PTBP3: variants seen among roughly 807,000 people sequenced by gnomAD.
The protein encoded by PTBP3 is polypyrimidine tract-binding protein 3.
Under a neutral mutation model 58.7 loss-of-function variants are expected in PTBP3, and 20 were observed. The observed-to-expected ratio is 0.34, with a 90% confidence interval of 0.24 to 0.50. The LOEUF is 0.50. Among genes scored for constraint, PTBP3 ranks in the 20% least tolerant of loss-of-function variants. The pLI is 0.98. For missense variants in PTBP3, 509 were observed against 637.2 expected, an observed-to-expected ratio of 0.80 and a Z score of 2.17; for synonymous variants, 185 against 219.8, an observed-to-expected ratio of 0.84 and a Z score of 1.40.
Position 112,226,104 on chromosome 9 carries a change from T to C in PTBP3, c.1364+1307A>G, listed in dbSNP as rs7858610. 7.6e-3 allele frequency among the ~76,000 whole-genome samples: 1,158 copies of C among 152,008 alleles called. 21 individuals carry two copies. Among genetic ancestry groups the C allele is most frequent in the African/African-American group, 0.027 (1,103 of 41,470 alleles). ...TAATGATGACAGGTGCCTGCCTCAG[T>C]ATCTAATTGTTGTCCATTTACCCTA... is the stretch of plus-strand genomic sequence containing the variant. On this transcript the variant is annotated intron_variant, in intron 12 of 13. Transcript: ENST00000374257.
intron 2 of PTBP3, among the ~76,000 whole-genome samples, chr9:112,293,623 C>T (rs1312801210): frequency 6.6e-6 from 1 of 152,208 alleles, no homozygotes; most frequent in Admixed American, 6.5e-5. Context: ...TTCTAGCTAA[C>T]AGAATGAGAA....
At chr9:112,258,148 G>T (rs1836451004) in intron 5 of PTBP3, among the ~76,000 whole-genome samples, 1 of 152,134 alleles carries the variant, frequency 6.6e-6, no homozygotes, top group Non-Finnish European at 1.5e-5. Context: ...AATTCAAAAA[G>T]ATTGGTCCTT....
chr9:112,290,739 A>ACACACACACACACACAG (rs1398984829), intron 2 of PTBP3, among the ~76,000 whole-genome samples: 1 of 93,672 alleles, frequency 1.1e-5, no homozygotes, highest in Non-Finnish European at 2.2e-5. Context: ...CACACACACA[A>ACACACACACACACACAG]TCAAGTGTTG....
At chr9:112,323,227 T>C (rs538141076) in intron 1 of PTBP3, among the ~76,000 whole-genome samples, 1 of 152,288 alleles carries the variant, frequency 6.6e-6, no homozygotes, top group African/African-American at 2.4e-5. Flanking sequence ...CACTCTAGCC[T>C]GGGAAACAGA....
rs1410565659 is a variant in PTBP3, at chr9:112,227,507, A to C, written c.1268T>G (p.Phe423Cys). 6.2e-7 allele frequency: 1 copy of C among 1,613,912 alleles called. No individual in the cohort carries two copies. The highest frequency in any genetic ancestry group is 8.5e-7 in the Non-Finnish European group (1 of 1,179,936). The change falls in exon 12 of 14, where the codon TTC becomes TGC. Residue 423 changes from phenylalanine (F) to cysteine (C), a missense_variant. Phe to Cys is a radical substitution (Grantham distance 205). This residue lies in a region of PTBP3 where 135 missense variants were observed against 229.0 expected (regional missense o/e 0.59). Transcript: ENST00000374257. ...AAAGCGATGCAAAGGACTATTGCTG[A>C]AATCCTTAGTCAGACCTTGGTCTTC... is the stretch of plus-strand genomic sequence containing the variant. ...GQEDQGLTKDFSNSPLHRFKK... is the reference protein window; with the variant it reads ...GQEDQGLTKDCSNSPLHRFKK...
the PTBP3 span, among the ~76,000 whole-genome samples, chr9:112,371,265 CTG>C: frequency 1.3e-5 from 2 of 152,200 alleles, no homozygotes; most frequent in Non-Finnish European, 2.9e-5. Flanking sequence ...TCCCCAACCT[CTG>C]TGGTTAATGC....
intron 3 of PTBP3, among the ~76,000 whole-genome samples, chr9:112,268,965 G>A (rs558896774): frequency 1.3e-5 from 2 of 152,130 alleles, no homozygotes; most frequent in African/African-American, 4.8e-5. Context: ...GGAGGCTGAG[G>A]CAGGTGGATC....
chr9:112,369,161 G>A, the PTBP3 span, among the ~76,000 whole-genome samples: 4 of 152,248 alleles, frequency 2.6e-5, no homozygotes, highest in African/African-American at 7.2e-5. Context: ...AGGGCAGTGT[G>A]GAAGGGAAAT....
At chr9:112,298,603 C>T (rs1167928739) in intron 1 of PTBP3, 1 of 502,912 alleles carries the variant, frequency 2.0e-6, no homozygotes, top group Non-Finnish European at 3.9e-6. Context: ...TAAAACCAAC[C>T]TATTTTAAAT....
At chr9:112,252,969 G>C (rs1019421450) in intron 5 of PTBP3, among the ~76,000 whole-genome samples, 181 bp from the exon 6 acceptor site, 1 of 152,002 alleles carries the variant, frequency 6.6e-6, no homozygotes, top group Non-Finnish European at 1.5e-5. Flanking sequence ...TTACAACAAC[G>C]CCCGGTACAC....
chr9:112,369,671 T>G, the PTBP3 span, among the ~76,000 whole-genome samples: 1 of 152,206 alleles, frequency 6.6e-6, no homozygotes, highest in Non-Finnish European at 1.5e-5. Context: ...TATGAACTTT[T>G]GAATTAATGC....
chr9:112,276,068 C>A, intron 2 of PTBP3, 55 bp from the exon 3 acceptor site: 2 of 1,459,902 alleles, frequency 1.4e-6, no homozygotes, highest in Non-Finnish European at 1.9e-6. Context: ...GGTTGACATA[C>A]TACATTAATC....
At chr9:112,340,885 A>T in the PTBP3 span, among the ~76,000 whole-genome samples, 56 of 149,228 alleles carry the variant, frequency 3.8e-4, no homozygotes, top group Admixed American at 2.3e-3. Context: ...TCAAAAAAAA[A>T]AAATAAATAA....
rs369206223 is a variant in PTBP3, at chr9:112,269,726, T to A, written c.205-1531A>T. ...TGTTAATTGGACTGTATGGGATTTT[T>A]CAGAATAAAACTATTAAACTCAGCC... On this transcript the variant is annotated intron_variant, in intron 3 of 13. Coordinates refer to ENST00000374257, the MANE Select transcript of PTBP3 (RefSeq NM_001163788.4). Among the ~76,000 whole-genome samples the A allele has an allele frequency of 7.1e-4, 108 of 152,302 alleles. 2 individuals carry two copies. The South Asian group carries it at 0.021, about 30-fold the overall frequency.
chr9:112,259,979 C>T (rs1043218606), intron 5 of PTBP3, among the ~76,000 whole-genome samples: 10 of 152,130 alleles, frequency 6.6e-5, no homozygotes, highest in African/African-American at 2.4e-4. Context: ...GTGGTCTCAG[C>T]TCACTGCAAT....
chr9:112,281,489 T>C (rs535290636), intron 2 of PTBP3, among the ~76,000 whole-genome samples: 1 of 152,254 alleles, frequency 6.6e-6, no homozygotes, highest in South Asian at 2.1e-4. Context: ...AATATCTTGC[T>C]AAACATTTTT....
the PTBP3 span, among the ~76,000 whole-genome samples, chr9:112,349,330 C>T: frequency 1.3e-5 from 2 of 152,088 alleles, no homozygotes; most frequent in African/African-American, 4.8e-5. Context: ...CTCTTCCATC[C>T]GAGTGTTCCT....
rs2274519 is a variant in PTBP3 at position 112,235,008 on chromosome 9, C to A, written c.803-111G>T. The A allele has an allele frequency of 3.5e-6, 3 of 853,478 alleles. No individual in the cohort carries two copies. In the African/African-American group the frequency reaches 5.1e-5, roughly 15 times the overall value. The allele number at this position is 853,478 out of a possible 1,614,324, so 52.9% of individuals were successfully genotyped here. On this transcript the variant is annotated intron_variant, in intron 7 of 13. Coordinates refer to ENST00000374257, the MANE Select transcript of PTBP3 (RefSeq NM_001163788.4). ...TATTACTAACAAAGAGATTCTGTTACGGAGTAAAGATCTGTTCAACAAGTG... is the reference window on the plus strand; with the variant it reads ...TATTACTAACAAAGAGATTCTGTTAAGGAGTAAAGATCTGTTCAACAAGTG...
intron 1 of PTBP3, among the ~76,000 whole-genome samples, chr9:112,326,478 A>G (rs1476894826): frequency 6.6e-6 from 1 of 152,264 alleles, no homozygotes; most frequent in African/African-American, 2.4e-5. Flanking sequence ...ATAGTTTGCC[A>G]ACCCTTGGTC....
Sources: allele counts gnomAD v4.1 joint callset (sites outside exome capture counted in the v4.1 genomes callset), GRCh38; gene constraint gnomAD v4.1.1; regional missense constraint gnomAD v4.1.1; transcripts MANE v1.5; gene names NCBI Gene and HGNC (gene_info 2026-07-23, HGNC 2026-07-21).